The following LRP12 variants were observed in gnomAD, a reference collection of about 807,000 sequenced individuals.
The protein encoded by LRP12 is low-density lipoprotein receptor-related protein 12.
LRP12 carries 14 observed loss-of-function variants against 66.0 expected under a neutral mutation model. The ratio of observed to expected loss-of-function variants is 0.21; its 90% CI spans 0.14 to 0.33. The LOEUF is 0.33. LRP12 is among the 10% of genes least tolerant of loss of function. The pLI is 1.00. For synonymous variants in LRP12, 357 were observed against 359.1 expected, an observed-to-expected ratio of 0.99 and a Z score of 0.07; for missense variants, 889 against 1,053.4, an observed-to-expected ratio of 0.84 and a Z score of 2.16.
At chr8:104,584,628 C>A (rs978711493) in intron 1 of LRP12, among the ~76,000 whole-genome samples, 1 of 148,834 alleles carries the variant, frequency 6.7e-6, no homozygotes, top group Non-Finnish European at 1.5e-5. Flanking sequence ...ATCTAGAATA[C>A]AGTTAACAGT....
chr8:104,574,124 A>G (rs1345245779), intron 1 of LRP12, among the ~76,000 whole-genome samples: 1 of 152,182 alleles, frequency 6.6e-6, no homozygotes, highest in Non-Finnish European at 1.5e-5. Flanking sequence ...GGTAATTGCA[A>G]AAACTAAGAC....
At chr8:104,493,190 C>T (rs35013911) in intron 6 of LRP12, among the ~76,000 whole-genome samples, 11,336 of 152,212 alleles carry the variant, frequency 0.074, 472 homozygotes, top group African/African-American at 0.081. Context: ...ATTTCATATA[C>T]TTCTTCAGTT....
At chr8:104,572,448 AAATC>A (rs1346092402) in intron 1 of LRP12, among the ~76,000 whole-genome samples, 5 of 152,204 alleles carry the variant, frequency 3.3e-5, no homozygotes, top group African/African-American at 1.2e-4. Context: ...ACCAGCTAAA[AAATC>A]AACAAAATAA....
chr8:104,493,779 C>T (rs922474910), intron 6 of LRP12, among the ~76,000 whole-genome samples: 5 of 152,210 alleles, frequency 3.3e-5, no homozygotes, highest in African/African-American at 1.2e-4. Flanking sequence ...GGTAACACTC[C>T]ATGCATATTG....
At chr8:104,528,602 A>G (rs1281343101) in intron 2 of LRP12, among the ~76,000 whole-genome samples, 3 of 151,962 alleles carry the variant, frequency 2.0e-5, no homozygotes, top group Non-Finnish European at 4.4e-5. Context: ...TAGTGAAACC[A>G]CGTCTCTATT....
At chr8:104,523,268 T>A (rs2140855184) in intron 2 of LRP12, among the ~76,000 whole-genome samples, 1 of 152,280 alleles carries the variant, frequency 6.6e-6, no homozygotes, top group South Asian at 2.1e-4. Flanking sequence ...AAAAATTAGG[T>A]ATATCATGAA....
chr8:104,520,040 TAAAG>T (rs1360796474), intron 2 of LRP12, among the ~76,000 whole-genome samples: 2 of 149,360 alleles, frequency 1.3e-5, no homozygotes, highest in African/African-American at 2.5e-5. Flanking sequence ...GGCAAAAATA[TAAAG>T]AGAGAAGGAG....
intron 1 of LRP12, among the ~76,000 whole-genome samples, chr8:104,575,536 T>G (rs570120990): frequency 6.6e-6 from 1 of 152,158 alleles, no homozygotes; most frequent in South Asian, 2.1e-4. Flanking sequence ...CCCTAAAATC[T>G]TCCAGAAATG....
At chr8:104,523,254 G>GA (rs570503388) in intron 2 of LRP12, among the ~76,000 whole-genome samples, 19 of 151,180 alleles carry the variant, frequency 1.3e-4, no homozygotes, top group African/African-American at 3.1e-4. Flanking sequence ...TGGAAATTTT[G>GA]AAAAAAAATT....
At chr8:104,536,756 A>C (rs1044057225) in intron 1 of LRP12, among the ~76,000 whole-genome samples, 1 of 152,086 alleles carries the variant, frequency 6.6e-6, no homozygotes, top group Non-Finnish European at 1.5e-5. Flanking sequence ...ATTGTTTTAA[A>C]AAAAAAGTAA....
At chr8:104,498,209 G>A (rs1810768860) in intron 4 of LRP12, 133 bp from the exon 5 acceptor site, 1 of 930,528 alleles carries the variant, frequency 1.1e-6, no homozygotes, top group Non-Finnish European at 1.6e-6. Flanking sequence ...TTAAAAAACA[G>A]GTTGGTTTTT....
chr8:104,497,850 G>A lies in LRP12; in HGVS notation c.702C>T (p.Pro234=), dbSNP rs753344591. Residue 234 remains proline (P), a synonymous_variant, in exon 5 of 7, where the codon CCC becomes CCT. Coordinates refer to ENST00000276654, the MANE Select transcript of LRP12 (RefSeq NM_013437.5). The surrounding 1 kb of genome is among the most constrained non-coding windows in gnomAD (Gnocchi z 4.3). ...SRFTKVYTCL[P]ESLKCDGNID... is the part of the protein sequence containing the mutation. ...TGTTCCCATCACATTTTAAAGATTC[G>A]GGGAGGCAAGTGTAAACTTTGGTAA... 1.1e-5 allele frequency: 17 copies of A among 1,614,148 alleles called. No homozygotes were observed. The African/African-American group carries it at 1.1e-4, about 10-fold the overall frequency.
intron 1 of LRP12, among the ~76,000 whole-genome samples, chr8:104,565,855 C>T (rs1184545585): frequency 2.2e-5 from 3 of 134,308 alleles, no homozygotes; most frequent in East Asian, 4.2e-4. Context: ...AGCAAGACTC[C>T]ATCTCAAAAA....
intron 2 of LRP12, among the ~76,000 whole-genome samples, chr8:104,513,654 AC>A (rs1248093051): frequency 6.6e-6 from 1 of 152,082 alleles, no homozygotes; most frequent in Non-Finnish European, 1.5e-5. Context: ...GAACTGTACT[AC>A]CCAGACTTTG....
chr8:104,510,006 C>T (rs1810968218), intron 2 of LRP12, among the ~76,000 whole-genome samples: 1 of 152,214 alleles, frequency 6.6e-6, no homozygotes, highest in African/African-American at 2.4e-5. Context: ...AACTGGATCA[C>T]TGAATAAGAG....
intron 6 of LRP12, among the ~76,000 whole-genome samples, chr8:104,494,816 A>G (rs967376071): frequency 6.6e-6 from 1 of 152,228 alleles, no homozygotes; most frequent in Non-Finnish European, 1.5e-5. Flanking sequence ...GCCAAGCTTA[A>G]TACTTTTGAA....
rs1221999412 is a variant in LRP12 at position 104,580,368 on chromosome 8, A to AT, written c.79+8450_79+8451insA. 4.4e-4 allele frequency among the ~76,000 whole-genome samples: 67 copies of AT among 151,414 alleles called. No homozygotes were observed. In the Middle Eastern group the frequency reaches 0.014, roughly 31 times the overall value. Reference sequence around the variant, plus strand: ...TGTCTCTACTAAAAATAAAAAAAAAAAAAAAAAAAAAATTAGCCGGGCATG... The same window carrying AT: ...TGTCTCTACTAAAAATAAAAAAAAAATAAAAAAAAAAAATTAGCCGGGCATG... On this transcript the variant is annotated intron_variant, in intron 1 of 6. Coordinates refer to ENST00000276654, the MANE Select transcript of LRP12 (RefSeq NM_013437.5).
chr8:104,525,077 TAA>T (rs1406701664), intron 2 of LRP12, among the ~76,000 whole-genome samples: 1 of 152,058 alleles, frequency 6.6e-6, no homozygotes. Context: ...AAAAAGCGAT[TAA>T]AAGAGCCTTC....
At chr8:104,584,737 C>T (rs1382867221) in intron 1 of LRP12, among the ~76,000 whole-genome samples, 1 of 152,108 alleles carries the variant, frequency 6.6e-6, no homozygotes, top group Non-Finnish European at 1.5e-5. Context: ...AATTTAGATT[C>T]TGAACTCAAG....
Sources: allele counts gnomAD v4.1 joint callset (sites outside exome capture counted in the v4.1 genomes callset), GRCh38; gene constraint gnomAD v4.1.1; non-coding constraint Gnocchi (gnomAD v3.1); transcripts MANE v1.5; gene names NCBI Gene and HGNC (gene_info 2026-07-23, HGNC 2026-07-21).